ST14: variants seen among roughly 807,000 people sequenced by gnomAD.
ST14 encodes suppressor of tumorigenicity 14 protein.
Under a neutral mutation model 96.5 loss-of-function variants are expected in ST14, and 40 were observed. The ratio of observed to expected loss-of-function variants is 0.41; its 90% CI spans 0.32 to 0.54. ST14 has a LOEUF of 0.54. Among genes scored for constraint, ST14 ranks in the 20% least tolerant of loss-of-function variants. ST14 has a pLI of 0.17. For missense variants in ST14, 1,066 were observed against 1,188.9 expected (o/e 0.90, Z 1.52); for synonymous variants, 506 against 492.1 (o/e 1.03, Z -0.37).
intron 5 of ST14, 100 bp downstream of exon 5, chr11:130,189,996 A>C (rs1471782059): frequency 6.2e-7 from 1 of 1,609,888 alleles, no homozygotes; most frequent in Non-Finnish European, 8.5e-7. Context: ...CCCAGGGCCC[A>C]GTGCCCCAGA....
In ST14 at chr11:130,188,580, A is replaced by G; in HGVS notation, c.292A>G (p.Asn98Asp). ...KVFNGYMRITNENFVDAYENS... is the reference protein window; with the variant it reads ...KVFNGYMRITDENFVDAYENS... ...CTTCAATGGCTACATGAGGATCACAAATGAGAATTTTGTGGATGCCTACGA... is the reference window on the plus strand; with the variant it reads ...CTTCAATGGCTACATGAGGATCACAGATGAGAATTTTGTGGATGCCTACGA... The change falls in exon 3 of 19, where the codon AAT (asparagine) becomes GAT (aspartate). Residue 98 changes from asparagine to aspartate, a missense_variant. Coordinates refer to ENST00000278742, the MANE Select transcript of ST14 (RefSeq NM_021978.4). The surrounding 1 kb of genome is among the most constrained non-coding windows in gnomAD (Gnocchi z 5.4). 1.9e-6 allele frequency: 3 copies of G among 1,614,172 alleles called. No individual in the cohort carries two copies. Among genetic ancestry groups the G allele is most frequent in the Non-Finnish European group, 2.5e-6 (3 of 1,180,022 alleles).
At chr11:130,186,195 A>T in intron 1 of ST14, among the ~76,000 whole-genome samples, 1 of 152,220 alleles carries the variant, frequency 6.6e-6, no homozygotes, top group East Asian at 1.9e-4. Context: ...GTGTAGAATT[A>T]AGGTATTTTC....
Position 130,208,480 on chromosome 11 carries a change from G to A in ST14, c.2065G>A (p.Val689Met). The A allele has an allele frequency of 6.2e-7, 1 of 1,614,228 alleles. No individual in the cohort carries two copies. The highest frequency in any genetic ancestry group is 8.5e-7 in the Non-Finnish European group (1 of 1,180,044). The change falls in exon 17 of 19, where the codon GTG becomes ATG. Residue 689 changes from valine to methionine, a missense_variant. Coordinates refer to ENST00000278742, the MANE Select transcript of ST14 (RefSeq NM_021978.4). ...CCAGAGCCAGCGCAGCGCCCCTGGG[G>A]TGCAGGAGCGCAGGCTCAAGCGCAT... ...HDQSQRSAPG[V>M]QERRLKRIIS...
intron 1 of ST14, among the ~76,000 whole-genome samples, chr11:130,186,662 T>C (rs1436255107): frequency 1.3e-5 from 2 of 152,184 alleles, no homozygotes; most frequent in Non-Finnish European, 2.9e-5. Flanking sequence ...TTTCACAGGC[T>C]AATAATGAAA....
chr11:130,193,073 T>G (rs1404076957), intron 7 of ST14, among the ~76,000 whole-genome samples: 1 of 151,538 alleles, frequency 6.6e-6, no homozygotes, highest in Admixed American at 6.6e-5. Context: ...AGTTAATAGA[T>G]TTAAAAGCAC....
chr11:130,176,350 CT>C (rs1953137938), intron 1 of ST14, among the ~76,000 whole-genome samples: 1 of 151,848 alleles, frequency 6.6e-6, no homozygotes. Flanking sequence ...AAAGTTACCC[CT>C]GACAGGGATT....
intron 1 of ST14, among the ~76,000 whole-genome samples, chr11:130,160,694 G>A (rs551291132): frequency 2.1e-4 from 32 of 152,334 alleles, no homozygotes; most frequent in Middle Eastern, 3.4e-3. Context: ...GCGAAGTACC[G>A]AAACAGGAAG....
chr11:130,199,604 C>T (rs1257302801), intron 15 of ST14, among the ~76,000 whole-genome samples: 1 of 152,172 alleles, frequency 6.6e-6, no homozygotes, highest in Non-Finnish European at 1.5e-5. Context: ...CTGCCCCCTC[C>T]CCTGTGATGT....
chr11:130,197,828 C>A lies in ST14; in HGVS notation c.1355-13C>A. 1 of 1,554,138 alleles carries A rather than the reference C, an allele frequency of 6.4e-7. No individual in the cohort carries two copies. Among genetic ancestry groups the A allele is most frequent in the Non-Finnish European group, 8.7e-7 (1 of 1,152,822 alleles). On this transcript the variant is annotated splice_polypyrimidine_tract_variant and intron_variant, in intron 11 of 18. Coordinates refer to ENST00000278742, the MANE Select transcript of ST14 (RefSeq NM_021978.4). ...GTGGGTGCTGGGGGCCTCAGGCCTG[C>A]CTGTGCCCGCAGCATGCCCGGGGCA...
At chr11:130,191,560 G>T (rs1479272489) in intron 7 of ST14, among the ~76,000 whole-genome samples, 1 of 151,566 alleles carries the variant, frequency 6.6e-6, no homozygotes, top group Admixed American at 6.6e-5. Context: ...TGTGGTGGCG[G>T]GCGCCTGTAA....
Position 130,187,962 on chromosome 11 carries a change from C to T in ST14, c.82-152C>T, listed in dbSNP as rs1591886214. 9.2e-7 allele frequency: 1 copy of T among 1,085,670 alleles called. No homozygotes were observed. Among genetic ancestry groups the T allele is most frequent in the South Asian group, 1.5e-5 (1 of 68,152 alleles). 67.3% of individuals were successfully genotyped at this position (1,085,670 alleles called of 1,614,324 possible). A position where few individuals can be genotyped will look rare whatever the true frequency, so the allele number is the denominator to read the frequency against. On this transcript the variant is annotated intron_variant, in intron 1 of 18. Transcript: ENST00000278742. This position sits in a 1 kb window ranked among gnomAD's most constrained non-coding sequence, Gnocchi z 4.5. The stretch of plus-strand genomic sequence containing the variant: ...CGGGGTCTGCGCTCTGGGCAGTGGT[C>T]CCCATGCCTCTGGGGGAAGCCCCCT...
At chr11:130,203,541 C>T (rs1953453662) in intron 16 of ST14, among the ~76,000 whole-genome samples, 2 of 152,264 alleles carry the variant, frequency 1.3e-5, no homozygotes, top group Non-Finnish European at 2.9e-5. Context: ...TCCTTCACGA[C>T]CGACACGGCC....
intron 14 of ST14, 37 bp downstream of exon 14, chr11:130,198,658 T>G (rs770770435): frequency 6.3e-7 from 1 of 1,585,374 alleles, no homozygotes; most frequent in Admixed American, 1.7e-5. Context: ...GTTGGGGGCC[T>G]CGCCCCTGGA....
chr11:130,181,117 T>A lies in ST14; in HGVS notation c.82-6997T>A, dbSNP rs1953187944. Among the ~76,000 whole-genome samples the A allele has an allele frequency of 6.6e-6, 1 of 150,996 alleles. No homozygotes were observed. The highest frequency in any genetic ancestry group is 2.1e-4 in the South Asian group (1 of 4,736). The stretch of plus-strand genomic sequence containing the variant: ...GGATGGGATGGCGGTGGTCTGATTT[T>A]GTCCCTGCTGGGTGGGATGGCGGTG... On this transcript the variant is annotated intron_variant, in intron 1 of 18. Transcript: ENST00000278742. The surrounding 1 kb of genome is among the most constrained non-coding windows in gnomAD (Gnocchi z 4.1).
chr11:130,175,878 G>T (rs1242653342), intron 1 of ST14, among the ~76,000 whole-genome samples: 1 of 151,834 alleles, frequency 6.6e-6, no homozygotes, highest in African/African-American at 2.4e-5. Context: ...GGCCAGGCTG[G>T]TTTCAAACTC....
rs1266662190 is a variant in ST14 at position 130,200,069 on chromosome 11, T to C, written c.1926T>C (p.Gly642=). 1 of 1,614,080 alleles carries C rather than the reference T, an allele frequency of 6.2e-7. No individual in the cohort carries two copies. The highest frequency in any genetic ancestry group is 1.3e-5 in the African/African-American group (1 of 74,934). ...CTCTGGGCCAGGGCCACATCTGCGG[T>C]GCTTCCCTCATCTCTCCCAACTGGC... is the stretch of plus-strand genomic sequence containing the variant. ...LHALGQGHIC[G]ASLISPNWLV... Residue 642 remains glycine (G), a synonymous_variant, in exon 16 of 19, where the codon GGT becomes GGC. Transcript: ENST00000278742.
chr11:130,200,744 T>C (rs899779421), intron 16 of ST14, among the ~76,000 whole-genome samples: 1 of 152,208 alleles, frequency 6.6e-6, no homozygotes, highest in Non-Finnish European at 1.5e-5. Flanking sequence ...GTGCCTCTCC[T>C]AAAACCCCCT....
At position 130,198,297 on chromosome 11, in the gene ST14, C is replaced by T; in HGVS notation, c.1460-11C>T. ...GGGCCTCACGGCCGACCTCCCCTTACCCCACTCCAGGTTGCGACGCCGGCC... is the reference window on the plus strand; with the variant it reads ...GGGCCTCACGGCCGACCTCCCCTTATCCCACTCCAGGTTGCGACGCCGGCC... On this transcript the variant is annotated splice_polypyrimidine_tract_variant and intron_variant, in intron 12 of 18. Coordinates refer to ENST00000278742, the MANE Select transcript of ST14 (RefSeq NM_021978.4). The T allele has an allele frequency of 6.2e-7, 1 of 1,613,310 alleles. No homozygotes were observed. Among genetic ancestry groups the T allele is most frequent in the Non-Finnish European group, 8.5e-7 (1 of 1,179,284 alleles).
chr11:130,202,815 T>C (rs890080498), intron 16 of ST14, among the ~76,000 whole-genome samples: 1 of 152,160 alleles, frequency 6.6e-6, no homozygotes, highest in Admixed American at 6.5e-5. Flanking sequence ...GTCCTCATCT[T>C]AAAAAGCGCG....
Sources: gnomAD v4.1 joint callset for allele counts (sites outside exome capture counted in the v4.1 genomes callset) on GRCh38, gnomAD v4.1.1 for gene constraint, Gnocchi (gnomAD v3.1) non-coding constraint, MANE v1.5 for transcripts, NCBI Gene and HGNC (gene_info 2026-07-23, HGNC 2026-07-21) for gene names.